Variants in STON2 observed in about 807,000 individuals in gnomAD.
STON2 encodes stonin 2, also known as stonin-2.
In STON2, 29 loss-of-function variants were observed where a neutral mutation model predicts 65.7. The ratio of observed to expected loss-of-function variants is 0.44; its 90% CI spans 0.33 to 0.60. The LOEUF is 0.60. Ranked by LOEUF, STON2 falls within the 20% of genes least tolerant of loss-of-function variation. STON2 has a pLI of 0.03. For synonymous variants in STON2, 404 were observed against 414.2 expected, an observed-to-expected ratio of 0.98 and a Z score of 0.30; for missense variants, 1,054 against 1,118.1, an observed-to-expected ratio of 0.94 and a Z score of 0.82.
chr14:81,392,347 G>C (rs979193239), intron 3 of STON2, among the ~76,000 whole-genome samples: 2 of 152,096 alleles, frequency 1.3e-5, no homozygotes, highest in African/African-American at 2.4e-5. Context: ...GCGCGGTCCG[G>C]AAGTGCTCTA....
intron 5 of STON2, among the ~76,000 whole-genome samples, chr14:81,312,847 C>G (rs142140676): frequency 6.6e-6 from 1 of 152,174 alleles, no homozygotes; most frequent in African/African-American, 2.4e-5. Flanking sequence ...TTTGTATGCA[C>G]GTAATCATAT....
At chr14:81,420,417 CCATT>C (rs754977577) in intron 2 of STON2, among the ~76,000 whole-genome samples, 2 of 152,258 alleles carry the variant, frequency 1.3e-5, no homozygotes, top group Admixed American at 1.3e-4. Flanking sequence ...AGAACATCGC[CCATT>C]CATTCATTCA....
In STON2 at chr14:81,270,706, C is replaced by T. The variant is rs1295507902; in HGVS notation, c.2748G>A (p.Arg916=). Reference sequence around the variant, plus strand: ...AGTGTGCAGAATAATTGACCCACTTCCTGACGTCAGTCTTGTCTTCTACAG... The same window carrying T: ...AGTGTGCAGAATAATTGACCCACTTTCTGACGTCAGTCTTGTCTTCTACAG... ...SISVEDKTDV[R]KWVNYSAHYS... is the part of the protein sequence containing the mutation. The change falls in exon 7 of 8, where the codon AGG becomes AGA. Residue 916 remains arginine (R), a synonymous_variant. Transcript: ENST00000614646. The T allele has an allele frequency of 6.2e-7, 1 of 1,614,142 alleles. No individual in the cohort carries two copies. The highest frequency in any genetic ancestry group is 1.1e-5 in the South Asian group (1 of 91,086).
Position 81,264,064 on chromosome 14 carries a change from C to A in STON2, c.*4350G>T. 1.0e-6 allele frequency: 1 copy of A among 985,424 alleles called. No individual in the cohort carries two copies. The highest frequency in any genetic ancestry group is 1.2e-6 in the Non-Finnish European group (1 of 829,944). The allele number at this position is 985,424 out of a possible 1,614,324, so 61.0% of individuals were successfully genotyped here. ...TGCACTCTATCAAATGCTTTCTTTT[C>A]CTACTGACCATTGAAATGGGCAAGG... On this transcript the variant is annotated 3_prime_UTR_variant, in exon 8 of 8. Transcript: ENST00000614646.
intron 4 of STON2, among the ~76,000 whole-genome samples, chr14:81,339,998 C>CA (rs1330784798): frequency 7.2e-5 from 11 of 151,802 alleles, no homozygotes; most frequent in African/African-American, 7.3e-5. Flanking sequence ...ACTAAAAATA[C>CA]AAAAAATTAG....
chr14:81,274,315 C>T (rs200791441), intron 6 of STON2, among the ~76,000 whole-genome samples: 5 of 152,098 alleles, frequency 3.3e-5, no homozygotes, highest in East Asian at 3.9e-4. Flanking sequence ...CAACAGATAT[C>T]CTTATGCTGT....
At chr14:81,399,699 C>G (rs994277806) in intron 1 of STON2, among the ~76,000 whole-genome samples, 11 of 152,074 alleles carry the variant, frequency 7.2e-5, no homozygotes, top group African/African-American at 2.7e-4. Context: ...GATTCAGTAG[C>G]CATTTTGATG....
upstream of STON2, among the ~76,000 whole-genome samples, chr14:81,400,827 A>G (rs1054537225): frequency 5.3e-5 from 8 of 152,160 alleles, no homozygotes; most frequent in Admixed American, 5.2e-4. Flanking sequence ...TGGACTCATA[A>G]CTCAACCTCT....
chr14:81,412,868 G>T, intron 2 of STON2: 1 of 533,064 alleles, frequency 1.9e-6, no homozygotes, highest in East Asian at 4.4e-5. Context: ...TCTTCTTAGA[G>T]GCGCCACGGC....
At chr14:81,392,223 T>C (rs1036832451) in intron 3 of STON2, among the ~76,000 whole-genome samples, 1 of 152,134 alleles carries the variant, frequency 6.6e-6, no homozygotes, top group Non-Finnish European at 1.5e-5. Flanking sequence ...GGGAGGGGGT[T>C]CCCAGAAAAA....
chr14:81,401,319 T>C (rs1320493505), upstream of STON2, among the ~76,000 whole-genome samples: 1 of 152,190 alleles, frequency 6.6e-6, no homozygotes, highest in Non-Finnish European at 1.5e-5. Context: ...CAAAACTTTA[T>C]CTATCCTTCC....
chr14:81,344,054 G>A (rs1006046976), intron 4 of STON2, among the ~76,000 whole-genome samples: 13 of 151,764 alleles, frequency 8.6e-5, no homozygotes, highest in African/African-American at 1.7e-4. Context: ...TCTTTCATAC[G>A]GAAAAGACAG....
intron 2 of STON2, among the ~76,000 whole-genome samples, chr14:81,417,881 T>G (rs3900587): frequency 9.2e-5 from 14 of 151,836 alleles, no homozygotes; most frequent in South Asian, 2.1e-4. Flanking sequence ...GAGAGAGAGA[T>G]AGAAAAACCA....
chr14:81,426,730 A>G (rs79642825), intron 2 of STON2, among the ~76,000 whole-genome samples: 3,266 of 152,196 alleles, frequency 0.021, 127 homozygotes, highest in East Asian at 0.17. Context: ...AGTTTCTCTC[A>G]TGTTCATTTT....
At chr14:81,359,988 GGCTGAGGGCAGAGGATC>G (rs1723106441) in intron 4 of STON2, among the ~76,000 whole-genome samples, 1 of 152,148 alleles carries the variant, frequency 6.6e-6, no homozygotes, top group South Asian at 2.1e-4. Flanking sequence ...CCACATAAGG[GGCTGAGGGCAGAGGATC>G]GCTCATTCCT....
chr14:81,316,847 C>A (rs991172543), intron 5 of STON2, among the ~76,000 whole-genome samples: 1 of 151,988 alleles, frequency 6.6e-6, no homozygotes, highest in African/African-American at 2.4e-5. Flanking sequence ...GGTGAAACCC[C>A]GTCTCTACCA....
chr14:81,423,972 A>G (rs1432555093), intron 2 of STON2, among the ~76,000 whole-genome samples: 1 of 152,152 alleles, frequency 6.6e-6, no homozygotes, highest in African/African-American at 2.4e-5. Context: ...TTGATACATG[A>G]AATGCACTAC....
At chr14:81,422,558 A>G (rs994840320) in intron 2 of STON2, among the ~76,000 whole-genome samples, 1 of 151,996 alleles carries the variant, frequency 6.6e-6, no homozygotes, top group Admixed American at 6.5e-5. Flanking sequence ...AGTCAATACT[A>G]TGATAATACA....
chr14:81,296,750 T>C (rs534504048), intron 5 of STON2, among the ~76,000 whole-genome samples: 5 of 152,292 alleles, frequency 3.3e-5, no homozygotes, highest in South Asian at 2.1e-4. Flanking sequence ...CTGTATAGCA[T>C]AGGAATTTCT....
Sources: gnomAD v4.1 joint callset for allele counts (sites outside exome capture counted in the v4.1 genomes callset) on GRCh38, gnomAD v4.1.1 for gene constraint, MANE v1.5 for transcripts, NCBI Gene and HGNC (gene_info 2026-07-23, HGNC 2026-07-21) for gene names.